The following KNDC1 variants were observed in gnomAD, a reference collection of about 807,000 sequenced individuals.
KNDC1 encodes the protein kinase non-catalytic C-lobe domain-containing protein 1.
Under a neutral mutation model 172.8 loss-of-function variants are expected in KNDC1, and 106 were observed. The observed-to-expected ratio is 0.61, with a 90% CI of 0.52 to 0.72. The LOEUF is 0.72. Among genes scored for constraint, KNDC1 ranks in the 30% least tolerant of loss-of-function variants. The pLI, the probability that KNDC1 is intolerant of heterozygous loss-of-function variation, is 0.00. For missense variants in KNDC1, 2,325 were observed against 2,394.5 expected, an observed-to-expected ratio of 0.97 and a Z score of 0.61; for synonymous variants, 1,083 against 1,062.2, an observed-to-expected ratio of 1.02 and a Z score of -0.38.
In KNDC1 at chr10:133,220,117, G is replaced by A; in HGVS notation, c.5018+5G>A. ...CCACAGGTGGAGCAAGCTCAGGTGA[G>A]GAGGGGCTCAGGCGGCCGCGCGCCC... On this transcript the variant is annotated splice_donor_5th_base_variant and intron_variant, in intron 29 of 29. Transcript: ENST00000304613. 1 of 1,523,326 alleles carries A rather than the reference G, an allele frequency of 6.6e-7. No homozygotes were observed. Among genetic ancestry groups the A allele is most frequent in the East Asian group, 2.4e-5 (1 of 41,934 alleles). The allele number at this position is 1,523,326 out of a possible 1,614,324, so 94.4% of individuals were successfully genotyped here. A position where few individuals can be genotyped will look rare whatever the true frequency, so the allele number is the denominator to read the frequency against.
rs1297038388 is a variant in KNDC1, at chr10:133,198,327, G to A, written c.1907-10G>A. On this transcript the variant is annotated splice_polypyrimidine_tract_variant and intron_variant, in intron 12 of 29. Coordinates refer to ENST00000304613, the MANE Select transcript of KNDC1 (RefSeq NM_152643.8). ...CGCCCGCCCACACCCTCAGCCCCCT[G>A]GCTCCCCAGGCTTCCTGCCGGTGAA... 1.3e-6 allele frequency: 2 copies of A among 1,559,316 alleles called. No individual in the cohort carries two copies. The highest frequency in any genetic ancestry group is 1.4e-5 in the African/African-American group (1 of 73,854).
In KNDC1 at chr10:133,199,496, A is replaced by T. The variant is rs760739530; in HGVS notation, c.2797A>T (p.Thr933Ser). ...CGCCTTGAAAGATCTCACCTTTGCC[A>T]CTTTCTGTGGCGCCATTTCCGAGAA... ...IFALKDLTFA[T>S]FCGAISEKFC... The change falls in exon 15 of 30, where the codon ACT (threonine) becomes TCT (serine). Residue 933 changes from threonine to serine, a missense_variant. Transcript: ENST00000304613. 3.7e-6 allele frequency: 6 copies of T among 1,613,778 alleles called. No individual in the cohort carries two copies. The African/African-American group carries it at 8.0e-5, about 22-fold the overall frequency.
intron 3 of KNDC1, among the ~76,000 whole-genome samples, chr10:133,177,436 ATG>A (rs1356612989): frequency 8.1e-6 from 1 of 124,146 alleles, no homozygotes; most frequent in Non-Finnish European, 1.9e-5. Flanking sequence ...GTGTGCATGA[ATG>A]TAATGTGGTA....
rs751824629 is a variant in KNDC1 at position 133,209,265 on chromosome 10, AGT to A, written c.3795-1336_3795-1335del. ...ACATGTGTGGTGTGTGGTATGCGGT[AGT>A]GTGTGTGTGGTGTGTGGAGTATAGT... On this transcript the variant is annotated intron_variant, in intron 20 of 29. Transcript: ENST00000304613. This position sits in a 1 kb window ranked among gnomAD's most constrained non-coding sequence, Gnocchi z 4.9. Among the ~76,000 whole-genome samples the A allele has an allele frequency of 9.1e-5, 11 of 120,862 alleles. No individual in the cohort carries two copies. The South Asian group carries it at 1.2e-3, about 13-fold the overall frequency. The allele number at this position is 120,862 out of a possible 152,430, so 79.3% of individuals were successfully genotyped here.
intron 3 of KNDC1, among the ~76,000 whole-genome samples, chr10:133,181,834 C>CA (rs1564881077): frequency 2.4e-4 from 34 of 138,884 alleles, no homozygotes; most frequent in South Asian, 1.5e-3. Context: ...CCAGGACCGT[C>CA]CACACACACA....
At position 133,214,008 on chromosome 10, in the gene KNDC1, C is replaced by A. The variant is rs1349889145; in HGVS notation, c.4563C>A (p.Cys1521Ter). 1 of 1,614,170 alleles carries A rather than the reference C, an allele frequency of 6.2e-7. No individual in the cohort carries two copies. Among genetic ancestry groups the A allele is most frequent in the Admixed American group, 1.7e-5 (1 of 60,032 alleles). The change falls in exon 26 of 30, where the codon TGC (cysteine) becomes TGA (stop). Residue 1521 changes from cysteine to a stop codon, truncating the protein, a stop_gained. Coordinates refer to ENST00000304613, the MANE Select transcript of KNDC1 (RefSeq NM_152643.8). LOFTEE classifies it high-confidence loss of function. ...SSSESLSAKTCSLFLPNYVQD... is the reference protein window; with the variant it reads ...SSSESLSAKT ...CTGAGTCTCTTTCGGCCAAAACCTG[C>A]AGCTTATTTCTGCCCAATTACGTTC... is the stretch of plus-strand genomic sequence containing the variant.
At chr10:133,191,573 ACCTATAATC>A (rs1431200221) in intron 9 of KNDC1, among the ~76,000 whole-genome samples, 1 of 149,908 alleles carries the variant, frequency 6.7e-6, no homozygotes, top group African/African-American at 2.5e-5. Flanking sequence ...GGTGGTGTGC[ACCTATAATC>A]CCAGCTACTT....
chr10:133,225,663 C>G lies in KNDC1; in HGVS notation c.*773C>G, dbSNP rs1845704508. On this transcript the variant is annotated 3_prime_UTR_variant, in exon 30 of 30. Transcript: ENST00000304613. ...TCAGAGCAGCTCCAAGACAGAGGCT[C>G]TGTGGCGGGGGTCCCTGAGAGTGCC... 6.6e-6 allele frequency: 1 copy of G among 152,460 alleles called. No individual in the cohort carries two copies. Among genetic ancestry groups the G allele is most frequent in the Non-Finnish European group, 1.5e-5 (1 of 68,224 alleles). 9.4% of individuals were successfully genotyped at this position (152,460 alleles called of 1,614,324 possible). A position where few individuals can be genotyped will look rare whatever the true frequency, so the allele number is the denominator to read the frequency against.
chr10:133,201,038 C>T (rs1196221713), intron 16 of KNDC1, among the ~76,000 whole-genome samples: 1 of 152,222 alleles, frequency 6.6e-6, no homozygotes, highest in Non-Finnish European at 1.5e-5. Flanking sequence ...GGAGACCAGG[C>T]GGGCAGGCTG....
At position 133,160,271 on chromosome 10, in the gene KNDC1, C is replaced by T. The variant is rs901595300; in HGVS notation, c.-197C>T. On this transcript the variant is annotated 5_prime_UTR_variant, in exon 1 of 30. Transcript: ENST00000304613. ...GGGTCCGGACAGCGCCGCGCAGCCC[C>T]CGCGCACCCCGCGCCCCCCGCGCCC... Among the ~76,000 whole-genome samples the T allele has an allele frequency of 8.0e-6, 1 of 125,416 alleles. No homozygotes were observed. The highest frequency in any genetic ancestry group is 1.7e-5 in the Non-Finnish European group (1 of 57,502). 82.3% of individuals were successfully genotyped at this position (125,416 alleles called of 152,430 possible). A position where few individuals can be genotyped will look rare whatever the true frequency, so the allele number is the denominator to read the frequency against.
intron 9 of KNDC1, among the ~76,000 whole-genome samples, chr10:133,192,393 A>G (rs1442826944): frequency 1.3e-5 from 2 of 152,192 alleles, no homozygotes; most frequent in East Asian, 1.9e-4. Context: ...AAATCAAGCA[A>G]TGGGGAAGGA....
Position 133,213,958 on chromosome 10 carries a change from T to A in KNDC1, c.4527-14T>A, listed in dbSNP as rs199814653. The A allele has an allele frequency of 3.9e-4, 633 of 1,613,996 alleles. No individual in the cohort carries two copies. Among genetic ancestry groups the A allele is most frequent in the Admixed American group, 1.8e-3 (109 of 60,022 alleles). ...CAAGTCCTGGGGGTGACAGGGACCATATTTCTCTTCCAGAGCCAGCTCTTC... is the reference window on the plus strand; with the variant it reads ...CAAGTCCTGGGGGTGACAGGGACCAAATTTCTCTTCCAGAGCCAGCTCTTC... On this transcript the variant is annotated splice_polypyrimidine_tract_variant and intron_variant, in intron 25 of 29. Transcript: ENST00000304613.
At position 133,219,939 on chromosome 10, in the gene KNDC1, C is replaced by T; in HGVS notation, c.4861-16C>T. 1 of 1,546,348 alleles carries T rather than the reference C, an allele frequency of 6.5e-7. No homozygotes were observed. Among genetic ancestry groups the T allele is most frequent in the African/African-American group, 1.4e-5 (1 of 73,186 alleles). On this transcript the variant is annotated splice_polypyrimidine_tract_variant and intron_variant, in intron 28 of 29. Coordinates refer to ENST00000304613, the MANE Select transcript of KNDC1 (RefSeq NM_152643.8). The stretch of plus-strand genomic sequence containing the variant: ...GCCCTGTCTCTCCCCGGCCCACGCC[C>T]CGGCTGGACCACCAGGTCTTCCTGA...
At chr10:133,207,410 G>C (rs986904809) in intron 20 of KNDC1, 59 bp downstream of exon 20, 56 of 1,480,752 alleles carry the variant, frequency 3.8e-5, no homozygotes, top group Non-Finnish European at 5.2e-5. Flanking sequence ...GCTGAGAAGA[G>C]GGGGGGAACG....
At chr10:133,183,212 A>G in intron 3 of KNDC1, 132 bp from the exon 4 acceptor site, 2 of 1,142,398 alleles carry the variant, frequency 1.8e-6, no homozygotes, top group Non-Finnish European at 2.4e-6. Context: ...CAGCGTGGGC[A>G]CGGGTGCTGC....
At chr10:133,199,307 A>G (rs766556403) in intron 14 of KNDC1, 41 bp downstream of exon 14, 50 of 1,543,300 alleles carry the variant, frequency 3.2e-5, no homozygotes, top group South Asian at 6.3e-5. Flanking sequence ...GGCCCGGGCC[A>G]GGGAGAGCCC....
At chr10:133,189,727 AAG>A (rs1412594542) in intron 8 of KNDC1, 23 bp from the exon 9 acceptor site, 8 of 1,613,882 alleles carry the variant, frequency 5.0e-6, no homozygotes, top group Non-Finnish European at 6.8e-6. Context: ...GGGGTGAGGA[AAG>A]CTCAGTCGGG....
intron 5 of KNDC1, among the ~76,000 whole-genome samples, chr10:133,185,039 C>T (rs1025945134): frequency 2.0e-5 from 3 of 152,270 alleles, no homozygotes; most frequent in Non-Finnish European, 2.9e-5. Context: ...CACGGAGCCC[C>T]GTGGGGCCTC....
At chr10:133,170,613 C>T (rs1242260827) in intron 3 of KNDC1, among the ~76,000 whole-genome samples, 1 of 152,220 alleles carries the variant, frequency 6.6e-6, no homozygotes, top group Non-Finnish European at 1.5e-5. Context: ...AAAACCAAGA[C>T]ATTTTAAGTT....
Sources: gnomAD v4.1 joint callset for allele counts (sites outside exome capture counted in the v4.1 genomes callset) on GRCh38, gnomAD v4.1.1 for gene constraint, Gnocchi (gnomAD v3.1) non-coding constraint, MANE v1.5 for transcripts, NCBI Gene and HGNC (gene_info 2026-07-23, HGNC 2026-07-21) for gene names.